Variants in MAGI1 observed in about 807,000 individuals in gnomAD.
MAGI1 encodes the protein membrane associated guanylate kinase, WW and PDZ domain containing 1, also known as membrane-associated guanylate kinase, WW and PDZ domain-containing protein 1.
Under a neutral mutation model 139.9 loss-of-function variants are expected in MAGI1, and 58 were observed. That is an observed-to-expected ratio of 0.41 (90% CI 0.34 to 0.52). The LOEUF is 0.52. Ranked by LOEUF, MAGI1 falls within the 20% of genes least tolerant of loss-of-function variation. The probability of loss-of-function intolerance (pLI) is 0.12; values close to 1 mark genes in which losing one functional copy is unlikely to be tolerated. For synonymous variants in MAGI1, 812 were observed against 737.9 expected (o/e 1.10, Z -1.63); for missense variants, 1,874 against 1,901.6 (o/e 0.99, Z 0.27).
chr3:65,370,703 A>G (rs1236933001), intron 18 of MAGI1, among the ~76,000 whole-genome samples: 3 of 152,196 alleles, frequency 2.0e-5, no homozygotes, highest in Admixed American at 6.5e-5. Context: ...CAGTGGCATG[A>G]TCAGGGCTCA....
At chr3:66,018,122 G>C (rs1035759096) in intron 1 of MAGI1, among the ~76,000 whole-genome samples, 1 of 135,322 alleles carries the variant, frequency 7.4e-6, no homozygotes, top group Non-Finnish European at 1.6e-5. Flanking sequence ...GTGGGGGGGG[G>C]GGGTGTCTGC....
chr3:65,755,243 C>G (rs746800429), intron 1 of MAGI1, among the ~76,000 whole-genome samples: 1 of 152,068 alleles, frequency 6.6e-6, no homozygotes, highest in Non-Finnish European at 1.5e-5. Context: ...CCACCGCGCT[C>G]GGCCACAAAT....
chr3:65,749,266 A>C (rs1220759061), intron 1 of MAGI1, among the ~76,000 whole-genome samples: 1 of 152,178 alleles, frequency 6.6e-6, no homozygotes, highest in Non-Finnish European at 1.5e-5. Flanking sequence ...AGCTGTTGTT[A>C]CTGTTACCAT....
At chr3:65,734,786 C>T (rs1479494903) in intron 1 of MAGI1, among the ~76,000 whole-genome samples, 1 of 150,654 alleles carries the variant, frequency 6.6e-6, no homozygotes, top group African/African-American at 2.4e-5. Flanking sequence ...TTATAAATTT[C>T]CAGGGAAGCT....
chr3:65,494,947 G>C (rs940142632), intron 2 of MAGI1, among the ~76,000 whole-genome samples: 4 of 152,228 alleles, frequency 2.6e-5, no homozygotes, highest in African/African-American at 9.6e-5. Context: ...GATGGTTATA[G>C]TATAGATGTT....
intron 12 of MAGI1, among the ~76,000 whole-genome samples, chr3:65,421,634 A>AT (rs1394693595): frequency 6.6e-6 from 1 of 152,194 alleles, no homozygotes; most frequent in African/African-American, 2.4e-5. Context: ...GGTTTCTTCC[A>AT]TTTTTTAGAT....
intron 2 of MAGI1, among the ~76,000 whole-genome samples, chr3:65,552,723 G>C (rs1400159004): frequency 6.6e-6 from 1 of 152,058 alleles, no homozygotes; most frequent in African/African-American, 2.4e-5. Flanking sequence ...CTTCGGGAAG[G>C]GCCTGTGAAA....
chr3:66,020,289 T>C (rs761797226), intron 1 of MAGI1, among the ~76,000 whole-genome samples: 1 of 152,032 alleles, frequency 6.6e-6, no homozygotes, highest in Non-Finnish European at 1.5e-5. Flanking sequence ...ATACAAAAAT[T>C]AGCAGGGCAT....
chr3:65,674,453 C>A (rs1255707166), intron 1 of MAGI1, among the ~76,000 whole-genome samples: 1 of 152,126 alleles, frequency 6.6e-6, no homozygotes, highest in Non-Finnish European at 1.5e-5. Context: ...CATATGGGAA[C>A]TATATTTTTA....
At chr3:65,612,946 TA>T (rs2083195531) in intron 2 of MAGI1, among the ~76,000 whole-genome samples, 1 of 152,144 alleles carries the variant, frequency 6.6e-6, no homozygotes, top group African/African-American at 2.4e-5. Flanking sequence ...AGCAATTAAA[TA>T]AATTAACATG....
chr3:65,645,412 C>T (rs181718083), intron 1 of MAGI1, among the ~76,000 whole-genome samples: 1 of 152,148 alleles, frequency 6.6e-6, no homozygotes, highest in African/African-American at 2.4e-5. Context: ...CTAGAAGAAA[C>T]GAACTGTCAG....
intron 1 of MAGI1, among the ~76,000 whole-genome samples, chr3:65,637,610 AAG>A (rs1261598164): frequency 6.7e-6 from 1 of 149,134 alleles, no homozygotes; most frequent in Non-Finnish European, 1.5e-5. Flanking sequence ...GAAAGAAAGA[AAG>A]AAAGAAAATT....
At chr3:66,019,262 G>A (rs1219836013) in intron 1 of MAGI1, among the ~76,000 whole-genome samples, 1 of 152,170 alleles carries the variant, frequency 6.6e-6, no homozygotes, top group Non-Finnish European at 1.5e-5. Context: ...TCCCAATCTT[G>A]CTGCTATTGG....
chr3:66,031,041 C>T (rs55780689), intron 1 of MAGI1, among the ~76,000 whole-genome samples: 16,095 of 152,228 alleles, frequency 0.11, 1,007 homozygotes, highest in Middle Eastern at 0.21. Flanking sequence ...AGAAATACTA[C>T]ATCGATGCCG....
At chr3:65,620,986 A>ACATTAG (rs1361750266) in intron 2 of MAGI1, among the ~76,000 whole-genome samples, 1 of 151,642 alleles carries the variant, frequency 6.6e-6, no homozygotes, top group Non-Finnish European at 1.5e-5. Context: ...TTATCAGAAA[A>ACATTAG]CATTAGCACT....
At chr3:65,837,143 A>G (rs1283825818) in intron 1 of MAGI1, among the ~76,000 whole-genome samples, 1 of 152,116 alleles carries the variant, frequency 6.6e-6, no homozygotes, top group Non-Finnish European at 1.5e-5. Context: ...AAAACACAGA[A>G]CTTGCTTCTC....
chr3:65,709,898 C>T (rs564635403), intron 1 of MAGI1, among the ~76,000 whole-genome samples: 1 of 152,312 alleles, frequency 6.6e-6, no homozygotes, highest in East Asian at 1.9e-4. Flanking sequence ...ATGATTGATA[C>T]TCTCTTGCCT....
In MAGI1 at chr3:65,470,327, G is replaced by C; in HGVS notation, c.915C>G (p.Asn305Lys). The change falls in exon 5 of 23, where the codon AAC (asparagine) becomes AAG (lysine). Residue 305 changes from asparagine (N) to lysine (K), a missense_variant. Asn to Lys is a moderately conservative substitution (Grantham distance 94, BLOSUM62 0). Coordinates refer to ENST00000402939, the MANE Select transcript of MAGI1 (RefSeq NM_001033057.2). ...CATTTTCAGTATAGGCCATCTCCCA[G>C]TTTTCAGGTAGAGGACCTAAATTAT... ...AEDNLGPLPENWEMAYTENGE... is the reference protein window; with the variant it reads ...AEDNLGPLPEKWEMAYTENGE... The C allele has an allele frequency of 6.2e-7, 1 of 1,613,596 alleles. No individual in the cohort carries two copies. The highest frequency in any genetic ancestry group is 1.7e-5 in the Admixed American group (1 of 59,988).
At chr3:65,942,733 T>A (rs909108778) in intron 1 of MAGI1, among the ~76,000 whole-genome samples, 1 of 152,182 alleles carries the variant, frequency 6.6e-6, no homozygotes, top group Non-Finnish European at 1.5e-5. Context: ...ATTTGTAAAA[T>A]GCGACCAGGT....
Sources: allele counts gnomAD v4.1 joint callset (sites outside exome capture counted in the v4.1 genomes callset), GRCh38; gene constraint gnomAD v4.1.1; transcripts MANE v1.5; gene names NCBI Gene and HGNC (gene_info 2026-07-23, HGNC 2026-07-21).